COL27A1: variants seen among roughly 807,000 people sequenced by gnomAD.
COL27A1 encodes collagen alpha-1(XXVII) chain.
COL27A1 carries 106 observed loss-of-function variants against 251.3 expected under a neutral mutation model. The observed-to-expected ratio is 0.42, with a 90% CI of 0.36 to 0.50. The LOEUF (loss-of-function observed/expected upper bound fraction) is 0.50, where lower values mean the gene tolerates loss of function less well. Among genes scored for constraint, COL27A1 ranks in the 20% least tolerant of loss-of-function variants. The pLI is 0.00. For missense variants in COL27A1, 2,325 were observed against 2,522.8 expected, an observed-to-expected ratio of 0.92 and a Z score of 1.68; for synonymous variants, 1,000 against 986.3, an observed-to-expected ratio of 1.01 and a Z score of -0.26.
At chr9:114,250,123 G>A (rs1041551833) in intron 24 of COL27A1, among the ~76,000 whole-genome samples, 3 of 152,216 alleles carry the variant, frequency 2.0e-5, no homozygotes, top group African/African-American at 7.2e-5. Context: ...AAAAGGCAAG[G>A]AGGCCTTTCA....
intron 14 of COL27A1, among the ~76,000 whole-genome samples, chr9:114,226,986 G>A (rs1267652855): frequency 6.6e-6 from 1 of 152,244 alleles, no homozygotes; most frequent in Non-Finnish European, 1.5e-5. Flanking sequence ...GGGAAGTGAT[G>A]TTAGTGCTGG....
chr9:114,281,225 A>G (rs1835877836), intron 37 of COL27A1, among the ~76,000 whole-genome samples: 1 of 152,218 alleles, frequency 6.6e-6, no homozygotes, highest in Non-Finnish European at 1.5e-5. Flanking sequence ...AGTCCTTTCC[A>G]GGCCAGAAAC....
intron 28 of COL27A1, among the ~76,000 whole-genome samples, chr9:114,259,086 G>T (rs1313580593): frequency 6.6e-6 from 1 of 152,224 alleles, no homozygotes; most frequent in Admixed American, 6.5e-5. Flanking sequence ...CCTGGGCAGG[G>T]TACTAAGGAA....
intron 12 of COL27A1, chr9:114,218,032 A>G: frequency 2.8e-6 from 1 of 355,158 alleles, no homozygotes; most frequent in Non-Finnish European, 5.6e-6. Context: ...CAGGATCACT[A>G]GGAGGCAGAG....
At chr9:114,247,384 A>AT (rs1022037599) in intron 24 of COL27A1, among the ~76,000 whole-genome samples, 7 of 152,342 alleles carry the variant, frequency 4.6e-5, no homozygotes, top group Admixed American at 4.6e-4. Flanking sequence ...CTAAATTTCA[A>AT]TTAGAGGTTC....
At chr9:114,209,932 G>A (rs1433756578) in intron 11 of COL27A1, among the ~76,000 whole-genome samples, 1 of 152,208 alleles carries the variant, frequency 6.6e-6, no homozygotes, top group Non-Finnish European at 1.5e-5. Flanking sequence ...AGGGATTTAC[G>A]GTAACTTGGC....
At chr9:114,296,599 G>A (rs1828274109) in intron 49 of COL27A1, among the ~76,000 whole-genome samples, 1 of 152,200 alleles carries the variant, frequency 6.6e-6, no homozygotes, top group African/African-American at 2.4e-5. Context: ...TTCAAATGCT[G>A]ATAATGGGAA....
chr9:114,207,958 G>C lies in COL27A1; in HGVS notation c.2268+1662G>C, dbSNP rs536643968. On this transcript the variant is annotated intron_variant, in intron 10 of 60. Transcript: ENST00000356083. ...GCCTTCCAGGGAAGGAGAGATGGTTGTGAGCCTCCATTGGTTGCTTGTTTG... is the reference window on the plus strand; with the variant it reads ...GCCTTCCAGGGAAGGAGAGATGGTTCTGAGCCTCCATTGGTTGCTTGTTTG... Among the ~76,000 whole-genome samples the C allele has an allele frequency of 4.6e-5, 7 of 152,358 alleles. 1 individual carries two copies. In the South Asian group the frequency reaches 1.4e-3, roughly 32 times the overall value.
At chr9:114,255,793 C>T (rs555310817) in intron 27 of COL27A1, among the ~76,000 whole-genome samples, 6 of 152,264 alleles carry the variant, frequency 3.9e-5, no homozygotes, top group African/African-American at 1.2e-4. Flanking sequence ...CTGGGGAAGC[C>T]GGCTAGCTCG....
At chr9:114,240,886 G>T (rs1832711013) in intron 21 of COL27A1, among the ~76,000 whole-genome samples, 1 of 152,220 alleles carries the variant, frequency 6.6e-6, no homozygotes, top group Non-Finnish European at 1.5e-5. Flanking sequence ...ACTCAGTCAG[G>T]TCTTATGGTT....
At chr9:114,198,342 A>G (rs917102365) in intron 7 of COL27A1, among the ~76,000 whole-genome samples, 2 of 152,254 alleles carry the variant, frequency 1.3e-5, no homozygotes, top group African/African-American at 2.4e-5. Flanking sequence ...AAGGTACACT[A>G]TAAGACAGAA....
intron 24 of COL27A1, among the ~76,000 whole-genome samples, chr9:114,247,183 A>G (rs1339302951): frequency 6.6e-6 from 1 of 152,234 alleles, no homozygotes; most frequent in Non-Finnish European, 1.5e-5. Context: ...TTCTTTGGCA[A>G]TGCATTAAAT....
rs1364337191 is a variant in COL27A1 at position 114,168,066 on chromosome 9, G to T, written c.511G>T (p.Val171Leu). 5 of 1,609,232 alleles carry T rather than the reference G, an allele frequency of 3.1e-6. No individual in the cohort carries two copies. The highest frequency in any genetic ancestry group is 4.2e-6 in the Non-Finnish European group (5 of 1,179,868). Residue 171 changes from valine to leucine, a missense_variant, in exon 3 of 61, where the codon GTG becomes TTG. Around this residue, in one of 4 missense-constraint regions of COL27A1, gnomAD observed 1,183 missense variants for 1,144.1 expected, o/e 1.03. Coordinates refer to ENST00000356083, the MANE Select transcript of COL27A1 (RefSeq NM_032888.4). ...LELRGRTVTLVTACGQRRVPV... is the reference protein window; with the variant it reads ...LELRGRTVTLLTACGQRRVPV... ...GCTCCGAGGCCGCACAGTCACTCTG[G>T]TGACTGCCTGCGGGCAGCGCCGGGT...
intron 41 of COL27A1, among the ~76,000 whole-genome samples, chr9:114,285,220 T>C (rs1460285819): frequency 1.3e-5 from 2 of 152,178 alleles, no homozygotes; most frequent in African/African-American, 4.8e-5. Context: ...CAGTGGTTAG[T>C]GGTCAAGGAA....
chr9:114,264,428 G>T lies in COL27A1; in HGVS notation c.3249+20G>T, dbSNP rs368042908. ...CTGAAGGTACCGACCCCTAGGACCTGCCCTTCCTCACTCCTCCGACACTGG... is the reference window on the plus strand; with the variant it reads ...CTGAAGGTACCGACCCCTAGGACCTTCCCTTCCTCACTCCTCCGACACTGG... On this transcript the variant is annotated intron_variant, in intron 29 of 60. Transcript: ENST00000356083. 1 of 1,535,698 alleles carries T rather than the reference G, an allele frequency of 6.5e-7. No individual in the cohort carries two copies. The highest frequency in any genetic ancestry group is 8.8e-7 in the Non-Finnish European group (1 of 1,135,062).
intron 57 of COL27A1, among the ~76,000 whole-genome samples, chr9:114,305,633 C>A (rs1288412013): frequency 2.6e-5 from 4 of 152,166 alleles, no homozygotes; most frequent in Admixed American, 2.0e-4. Context: ...CTCTCCCACA[C>A]GTGGCTCCCA....
At chr9:114,261,894 G>A (rs952113955) in intron 28 of COL27A1, among the ~76,000 whole-genome samples, 4 of 152,202 alleles carry the variant, frequency 2.6e-5, no homozygotes, top group African/African-American at 9.7e-5. Context: ...AGCTTTCACT[G>A]CTCCTGCGGT....
At chr9:114,211,423 C>T (rs1245762184) in intron 12 of COL27A1, among the ~76,000 whole-genome samples, 2 of 152,248 alleles carry the variant, frequency 1.3e-5, no homozygotes, top group South Asian at 2.1e-4. Flanking sequence ...GTCTTGGTGT[C>T]ATCCGGCTCT....
In COL27A1 at chr9:114,312,401, G is replaced by A. The variant is rs550275522; in HGVS notation, c.*1706G>A. The A allele has an allele frequency of 6.6e-6, 1 of 152,274 alleles. No homozygotes were observed. Among genetic ancestry groups the A allele is most frequent in the African/African-American group, 2.4e-5 (1 of 41,534 alleles). 9.4% of individuals were successfully genotyped at this position (152,274 alleles called of 1,614,324 possible). A position where few individuals can be genotyped will look rare whatever the true frequency, so the allele number is the denominator to read the frequency against. ...TGTCTCATTCTTGGGTTTTCCTGCT[G>A]TCTTCGTTTACGTCTCTGTCCACAT... On this transcript the variant is annotated 3_prime_UTR_variant, in exon 61 of 61. Transcript: ENST00000356083.
Sources: gnomAD v4.1 joint callset for allele counts (sites outside exome capture counted in the v4.1 genomes callset) on GRCh38, gnomAD v4.1.1 for gene constraint, gnomAD v4.1.1 regional missense constraint, MANE v1.5 for transcripts, NCBI Gene and HGNC (gene_info 2026-07-23, HGNC 2026-07-21) for gene names.